Variants in ABI3BP observed in about 807,000 individuals in gnomAD.
The protein encoded by ABI3BP is target of Nesh-SH3.
A neutral mutation model predicts 268.6 loss-of-function variants in ABI3BP; 216 were observed. The ratio of observed to expected loss-of-function variants is 0.80; its 90% confidence interval spans 0.72 to 0.90. The LOEUF (loss-of-function observed/expected upper bound fraction) is 0.90. Ranked by LOEUF, ABI3BP falls within the 40% of genes least tolerant of loss-of-function variation. ABI3BP has a pLI of 0.00. For missense variants in ABI3BP, 2,090 were observed against 2,182.4 expected (o/e 0.96, Z 0.84); for synonymous variants, 730 against 730.0 (o/e 1.00, Z 0.00).
intron 9 of ABI3BP, among the ~76,000 whole-genome samples, chr3:100,869,330 G>GGTTTTTTTTTTTTTTTTTTTT (rs2099085420): frequency 2.0e-5 from 1 of 49,754 alleles, no homozygotes; most frequent in Non-Finnish European, 3.4e-5. Context: ...CTTCTTTTTG[G>GGTTTTTTTTTTTTTTTTTTTT]TTTTTTTTTT....
Position 100,789,498 on chromosome 3 carries a change from G to A in ABI3BP, c.4043C>T (p.Thr1348Ile). Residue 1348 changes from threonine (T) to isoleucine (I), a missense_variant, in exon 56 of 68, where the codon ACT becomes ATT. Coordinates refer to ENST00000471714, the MANE Select transcript of ABI3BP (RefSeq NM_001375547.2). ...KTTQAPHRFY[T>I]TVRPRTSDKP... Reference sequence around the variant, plus strand: ...GTCAGATGTTCTGGGCCTCACAGTAGTATAAAATCTGTGTGGCGCTGAAAC... The same window carrying A: ...GTCAGATGTTCTGGGCCTCACAGTAATATAAAATCTGTGTGGCGCTGAAAC... The A allele has an allele frequency of 1.3e-6, 2 of 1,597,762 alleles. No individual in the cohort carries two copies. Among genetic ancestry groups the A allele is most frequent in the South Asian group, 2.3e-5 (2 of 88,192 alleles).
intron 6 of ABI3BP, 112 bp from the exon 7 acceptor site, chr3:100,876,672 G>A (rs1340407183): frequency 2.2e-6 from 2 of 911,070 alleles, no homozygotes; most frequent in African/African-American, 3.3e-5. Context: ...GAAGTCTCCT[G>A]TGACACTGGT....
At chr3:100,808,858 G>A (rs1166273891) in intron 49 of ABI3BP, among the ~76,000 whole-genome samples, 3 of 151,940 alleles carry the variant, frequency 2.0e-5, no homozygotes, top group African/African-American at 7.2e-5. Flanking sequence ...AAAAAAAATT[G>A]AAAAATCTAT....
At chr3:100,771,767 C>G (rs546654924) in intron 61 of ABI3BP, among the ~76,000 whole-genome samples, 1 of 151,996 alleles carries the variant, frequency 6.6e-6, no homozygotes, top group Non-Finnish European at 1.5e-5. Flanking sequence ...GCTGTGTGGA[C>G]CATTTCTGGT....
At chr3:100,751,474 G>A in intron 67 of ABI3BP, 78 bp downstream of exon 67, 1 of 1,376,532 alleles carries the variant, frequency 7.3e-7, no homozygotes, top group Non-Finnish European at 9.5e-7. Flanking sequence ...TTTTTAAATT[G>A]CTTGCTTTCC....
intron 1 of ABI3BP, among the ~76,000 whole-genome samples, chr3:100,939,054 A>G (rs967840178): frequency 6.6e-6 from 1 of 152,104 alleles, no homozygotes; most frequent in African/African-American, 2.4e-5. Flanking sequence ...TATTCCAACT[A>G]CCAATTCCAT....
intron 49 of ABI3BP, among the ~76,000 whole-genome samples, chr3:100,809,553 T>C (rs2097795231): frequency 6.6e-6 from 1 of 152,080 alleles, no homozygotes; most frequent in African/African-American, 2.4e-5. Context: ...TATAACTGAC[T>C]GATTTCATTA....
intron 20 of ABI3BP, 149 bp downstream of exon 20, chr3:100,846,223 A>T (rs1054398353): frequency 3.3e-6 from 2 of 604,070 alleles, no homozygotes; most frequent in Admixed American, 3.1e-5. Flanking sequence ...GCTATTTATG[A>T]TTAGATCATT....
intron 1 of ABI3BP, among the ~76,000 whole-genome samples, chr3:100,959,491 A>G (rs111268792): frequency 7.0e-6 from 1 of 143,030 alleles, no homozygotes; most frequent in Non-Finnish European, 1.5e-5. Flanking sequence ...CTCCGTCTCA[A>G]AAAAAAAAAA....
At position 100,765,906 on chromosome 3, in the gene ABI3BP, C is replaced by T. The variant is rs1232885761; in HGVS notation, c.4785G>A (p.Lys1595=). 6.2e-7 allele frequency: 1 copy of T among 1,612,864 alleles called. No individual in the cohort carries two copies. Among genetic ancestry groups the T allele is most frequent in the Non-Finnish European group, 8.5e-7 (1 of 1,179,434 alleles). The change falls in exon 63 of 68, where the codon AAG becomes AAA. Residue 1595 remains lysine (K), a synonymous_variant. Coordinates refer to ENST00000471714, the MANE Select transcript of ABI3BP (RefSeq NM_001375547.2). ...GATTTGTCATTTGAATGGACTTGTT[C>T]TTCCCACTGAATGACCCATTTTCTC... is the stretch of plus-strand genomic sequence containing the variant. ...ISRENGSFSG[K]NKSIQMTNQT...
At chr3:100,769,081 T>C (rs58758917) in intron 62 of ABI3BP, among the ~76,000 whole-genome samples, 38,855 of 152,144 alleles carry the variant, frequency 0.26, 5,055 homozygotes, top group South Asian at 0.42. Flanking sequence ...AATTAATCTC[T>C]ATATTATCTG....
Position 100,819,674 on chromosome 3 carries a change from G to A in ABI3BP, c.3031+546C>T, listed in dbSNP as rs115085852. Among the ~76,000 whole-genome samples the A allele has an allele frequency of 6.4e-3, 976 of 152,066 alleles. 7 individuals carry two copies. The highest frequency in any genetic ancestry group is 0.014 in the Middle Eastern group (4 of 294). Reference sequence around the variant, plus strand: ...AATAAAAAGTAGTAAATAAGAGGCCGGGCGTGGTGGCTTACACCTGTAATC... The same window carrying A: ...AATAAAAAGTAGTAAATAAGAGGCCAGGCGTGGTGGCTTACACCTGTAATC... On this transcript the variant is annotated intron_variant, in intron 40 of 67. Transcript: ENST00000471714.
Position 100,828,422 on chromosome 3 carries a change from G to C in ABI3BP, c.2573C>G (p.Pro858Arg). 6.5e-7 allele frequency: 1 copy of C among 1,535,300 alleles called. No individual in the cohort carries two copies. Among genetic ancestry groups the C allele is most frequent in the Non-Finnish European group, 8.7e-7 (1 of 1,146,400 alleles). Residue 858 changes from proline (P) to arginine (R), a missense_variant, in exon 34 of 68, where the codon CCT (proline) becomes CGT (arginine). Physicochemically the swap from Pro to Arg is moderately radical, Grantham distance 103 (BLOSUM62 -2). Transcript: ENST00000471714. ...VPATIFEPVS[P>R]IKEAPGTTFV... Reference sequence around the variant, plus strand: ...TGTTGTCCCTGGAGCCTCTTTTATAGGAGAAACTGGTTCAAAGATTGTAGC... The same window carrying C: ...TGTTGTCCCTGGAGCCTCTTTTATACGAGAAACTGGTTCAAAGATTGTAGC...
chr3:100,908,547 A>G (rs13083356), intron 2 of ABI3BP, among the ~76,000 whole-genome samples: 1 of 152,126 alleles, frequency 6.6e-6, no homozygotes, highest in Non-Finnish European at 1.5e-5. Context: ...CTGATAAGCA[A>G]CTTCAGCAAA....
chr3:100,749,168 G>GAAC lies in ABI3BP; in HGVS notation c.*1324_*1326dup, dbSNP rs2095182098. ...CATTTGGTAATCGTTGGTTTAAAAT[G>GAAC]AACTTTATTACTTCATAGGATGAAA... On this transcript the variant is annotated 3_prime_UTR_variant, in exon 68 of 68. Transcript: ENST00000471714. 1 of 103,222 alleles carries GAAC rather than the reference G, an allele frequency of 9.7e-6. No homozygotes were observed. The highest frequency in any genetic ancestry group is 4.7e-3 in the Middle Eastern group (1 of 212). 6.4% of individuals were successfully genotyped at this position (103,222 alleles called of 1,614,324 possible). A position where few individuals can be genotyped will look rare whatever the true frequency, so the allele number is the denominator to read the frequency against.
At chr3:100,812,278 T>C (rs541306980) in intron 46 of ABI3BP, among the ~76,000 whole-genome samples, 189 bp downstream of exon 46, 1 of 152,252 alleles carries the variant, frequency 6.6e-6, no homozygotes, top group South Asian at 2.1e-4. Context: ...GAAACTTGCA[T>C]AGCAATACAG....
chr3:100,929,771 C>T (rs1242693113), intron 1 of ABI3BP, among the ~76,000 whole-genome samples: 1 of 151,984 alleles, frequency 6.6e-6, no homozygotes, highest in Non-Finnish European at 1.5e-5. Flanking sequence ...TCAGGTTGTC[C>T]ACCCAGTATG....
At chr3:100,864,129 G>A (rs1052242058) in intron 11 of ABI3BP, 53 bp from the exon 12 acceptor site, 1 of 1,217,736 alleles carries the variant, frequency 8.2e-7, no homozygotes, top group Non-Finnish European at 1.2e-6. Flanking sequence ...TTTTGATGTT[G>A]TGGCTTAACC....
intron 1 of ABI3BP, among the ~76,000 whole-genome samples, chr3:100,941,521 TTATATC>T (rs1442706589): frequency 6.6e-6 from 1 of 152,070 alleles, no homozygotes; most frequent in African/African-American, 2.4e-5. Flanking sequence ...ATGGGGCACT[TTATATC>T]TGTTTGCCCA....
Sources: allele counts gnomAD v4.1 joint callset (sites outside exome capture counted in the v4.1 genomes callset), GRCh38; gene constraint gnomAD v4.1.1; transcripts MANE v1.5; gene names NCBI Gene and HGNC (gene_info 2026-07-23, HGNC 2026-07-21).